The following CNOT6L variants were observed in gnomAD, a reference collection of about 807,000 sequenced individuals.
CNOT6L encodes CCR4-NOT transcription complex subunit 6-like.
A neutral mutation model predicts 64.0 loss-of-function variants in CNOT6L; 7 were observed. The observed-to-expected ratio is 0.11, with a 90% confidence interval of 0.06 to 0.21. The LOEUF (loss-of-function observed/expected upper bound fraction) is 0.21, where lower values mean the gene tolerates loss of function less well. Among genes scored for constraint, CNOT6L ranks in the 10% least tolerant of loss-of-function variants. The pLI is 1.00. For synonymous variants in CNOT6L, 193 were observed against 243.4 expected (o/e 0.79, Z 1.93); for missense variants, 245 against 669.0 (o/e 0.37, Z 6.99).
At chr4:77,750,996 C>T (rs983087111) in intron 5 of CNOT6L, among the ~76,000 whole-genome samples, 7 of 152,076 alleles carry the variant, frequency 4.6e-5, no homozygotes, top group Non-Finnish European at 1.0e-4. Flanking sequence ...GTCCAGGGTA[C>T]AAATAAAAAG....
chr4:77,803,603 C>T (rs1257101638), intron 1 of CNOT6L, among the ~76,000 whole-genome samples: 2 of 152,064 alleles, frequency 1.3e-5, no homozygotes, highest in Non-Finnish European at 2.9e-5. Flanking sequence ...ACAATGAAGC[C>T]ATTAAAAAGC....
chr4:77,740,793 T>C (rs546885764), intron 8 of CNOT6L, among the ~76,000 whole-genome samples: 1 of 152,360 alleles, frequency 6.6e-6, no homozygotes, highest in Admixed American at 6.5e-5. Context: ...CACCCAGTGA[T>C]GATGTAGGTG....
chr4:77,755,813 T>G (rs1304015775), intron 5 of CNOT6L, among the ~76,000 whole-genome samples: 2 of 152,168 alleles, frequency 1.3e-5, no homozygotes, highest in Admixed American at 1.3e-4. Context: ...CTGGAACTTA[T>G]GATTTTTCTA....
intron 1 of CNOT6L, among the ~76,000 whole-genome samples, chr4:77,787,269 AAATAATAAC>A (rs1035622672): frequency 2.0e-5 from 3 of 152,134 alleles, no homozygotes; most frequent in Non-Finnish European, 4.4e-5. Context: ...CTGTCTCAAA[AAATAATAAC>A]AATAATAATA....
intron 4 of CNOT6L, among the ~76,000 whole-genome samples, chr4:77,771,642 C>T (rs1727574285): frequency 6.6e-6 from 1 of 152,146 alleles, no homozygotes; most frequent in African/African-American, 2.4e-5. Context: ...ACACAAGATT[C>T]AAACCATTCA....
intron 5 of CNOT6L, among the ~76,000 whole-genome samples, chr4:77,752,419 T>G (rs567259353): frequency 1.2e-4 from 19 of 152,330 alleles, no homozygotes; most frequent in African/African-American, 4.6e-4. Context: ...TATAGGATAC[T>G]GCATCTAATG....
intron 1 of CNOT6L, among the ~76,000 whole-genome samples, chr4:77,798,190 C>G (rs1238229995): frequency 6.6e-6 from 1 of 152,068 alleles, no homozygotes; most frequent in Non-Finnish European, 1.5e-5. Context: ...AGCCAGGAGC[C>G]TATAGTCCTA....
intron 4 of CNOT6L, 48 bp downstream of exon 4, chr4:77,773,033 C>G (rs1178571869): frequency 3.2e-6 from 4 of 1,232,236 alleles, no homozygotes; most frequent in Admixed American, 2.4e-5. Context: ...GGCCAAAATG[C>G]TCTTTAAAAG....
chr4:77,756,038 C>T (rs1213709053), intron 5 of CNOT6L, among the ~76,000 whole-genome samples: 1 of 151,952 alleles, frequency 6.6e-6, no homozygotes, highest in Non-Finnish European at 1.5e-5. Flanking sequence ...GGCTGGAGTG[C>T]AGCGGCACGA....
intron 11 of CNOT6L, among the ~76,000 whole-genome samples, chr4:77,725,836 AAGTT>A (rs1156453074): frequency 6.6e-6 from 1 of 152,016 alleles, no homozygotes; most frequent in African/African-American, 2.4e-5. Flanking sequence ...TTACTGCTGA[AAGTT>A]AGGGATGGTT....
At chr4:77,783,869 C>A (rs1317149761) in intron 1 of CNOT6L, among the ~76,000 whole-genome samples, 1 of 149,310 alleles carries the variant, frequency 6.7e-6, no homozygotes. Flanking sequence ...ATTCTTGGGG[C>A]TCTATTTATT....
At chr4:77,778,908 G>T (rs539481998) in intron 1 of CNOT6L, among the ~76,000 whole-genome samples, 2 of 151,616 alleles carry the variant, frequency 1.3e-5, no homozygotes, top group South Asian at 2.1e-4. Context: ...TTAGCGGGGC[G>T]TGGTGGCGGG....
At chr4:77,763,798 A>T (rs533444284) in intron 4 of CNOT6L, among the ~76,000 whole-genome samples, 1 of 152,344 alleles carries the variant, frequency 6.6e-6, no homozygotes, top group East Asian at 1.9e-4. Context: ...ATTAGTCTAT[A>T]ATGCAATTAG....
Position 77,785,772 on chromosome 4 carries a change from G to A in CNOT6L, c.6-9380C>T, listed in dbSNP as rs139363685. Among the ~76,000 whole-genome samples, 902 of 152,244 alleles carry A rather than the reference G, an allele frequency of 5.9e-3. 6 individuals carry two copies. The highest frequency in any genetic ancestry group is 9.4e-3 in the Non-Finnish European group (641 of 68,014). On this transcript the variant is annotated intron_variant, in intron 1 of 11. Coordinates refer to ENST00000504123, the MANE Select transcript of CNOT6L (RefSeq NM_144571.3). ...GTGCTGACGAAGATTTGGTCTGCAT[G>A]CACACGCACAAAACAAGGGGGATTA...
intron 4 of CNOT6L, among the ~76,000 whole-genome samples, chr4:77,769,513 G>A (rs368034338): frequency 1.2e-3 from 180 of 152,118 alleles, no homozygotes; most frequent in African/African-American, 4.2e-3. Context: ...CATCTGGTAC[G>A]AACTATTAAT....
chr4:77,799,879 A>G (rs948808308), intron 1 of CNOT6L, among the ~76,000 whole-genome samples: 1 of 152,178 alleles, frequency 6.6e-6, no homozygotes, highest in Non-Finnish European at 1.5e-5. Context: ...GTGGAAAAAA[A>G]CTGAAGTAAC....
chr4:77,766,978 G>A (rs891254548), intron 4 of CNOT6L, among the ~76,000 whole-genome samples: 7 of 142,858 alleles, frequency 4.9e-5, no homozygotes, highest in Admixed American at 1.5e-4. Context: ...CAGGAGAATC[G>A]TTTGAACCCG....
At position 77,816,708 on chromosome 4, in the gene CNOT6L, C is replaced by T. The variant is rs137918049; in HGVS notation, c.5+2596G>A. The stretch of plus-strand genomic sequence containing the variant: ...TATCATTATTGATACAAATAAATTA[C>T]GTAAGCCCTACTGGGAAACCCGGCA... On this transcript the variant is annotated intron_variant, in intron 1 of 11. Transcript: ENST00000504123. Among the ~76,000 whole-genome samples the T allele has an allele frequency of 5.9e-5, 9 of 152,074 alleles. No individual in the cohort carries two copies. In the South Asian group the frequency reaches 1.2e-3, roughly 21 times the overall value.
At chr4:77,760,681 T>A (rs768244013) in intron 4 of CNOT6L, among the ~76,000 whole-genome samples, 3 of 149,980 alleles carry the variant, frequency 2.0e-5, no homozygotes, top group African/African-American at 7.3e-5. Flanking sequence ...ATTATAAATA[T>A]CAACAATGAA....
Sources: gnomAD v4.1 joint callset for allele counts (sites outside exome capture counted in the v4.1 genomes callset) on GRCh38, gnomAD v4.1.1 for gene constraint, MANE v1.5 for transcripts, NCBI Gene and HGNC (gene_info 2026-07-23, HGNC 2026-07-21) for gene names.